PTBP3: variants seen among roughly 807,000 people sequenced by gnomAD.
PTBP3 encodes polypyrimidine tract binding protein 3.
Under a neutral mutation model 58.7 loss-of-function variants are expected in PTBP3, and 20 were observed. The observed-to-expected ratio is 0.34, with a 90% CI of 0.24 to 0.50. PTBP3 has a LOEUF of 0.50. Among genes scored for constraint, PTBP3 ranks in the 20% least tolerant of loss-of-function variants. The probability of loss-of-function intolerance (pLI) is 0.98; values close to 1 mark genes in which losing one functional copy is unlikely to be tolerated. For missense variants in PTBP3, 509 were observed against 637.2 expected, an observed-to-expected ratio of 0.80 and a Z score of 2.17; for synonymous variants, 185 against 219.8, an observed-to-expected ratio of 0.84 and a Z score of 1.40.
rs1322800141 is a variant in PTBP3, at chr9:112,252,026, A to G, written c.627+652T>C. Among the ~76,000 whole-genome samples the G allele has an allele frequency of 5.9e-5, 9 of 152,182 alleles. No individual in the cohort carries two copies. The East Asian group carries it at 1.7e-3, about 29-fold the overall frequency. On this transcript the variant is annotated intron_variant, in intron 6 of 13. Transcript: ENST00000374257. Reference sequence around the variant, plus strand: ...ACTGCTACAAGATGAAATTAGAGTCAGGGATAGATATCAACAAGAGGTATG... The same window carrying G: ...ACTGCTACAAGATGAAATTAGAGTCGGGGATAGATATCAACAAGAGGTATG...
chr9:112,260,060 A>G (rs1239480738), intron 5 of PTBP3, among the ~76,000 whole-genome samples: 1 of 152,154 alleles, frequency 6.6e-6, no homozygotes, highest in Non-Finnish European at 1.5e-5. Context: ...GATACATGCC[A>G]GCACACCCGG....
intron 1 of PTBP3, among the ~76,000 whole-genome samples, chr9:112,300,623 G>C (rs1316472986): frequency 2.6e-5 from 4 of 152,136 alleles, no homozygotes; most frequent in Non-Finnish European, 5.9e-5. Context: ...GTGGTGGCGG[G>C]CGCCTGTAGT....
chr9:112,271,425 T>C (rs1827380388), intron 3 of PTBP3, among the ~76,000 whole-genome samples: 1 of 152,150 alleles, frequency 6.6e-6, no homozygotes, highest in African/African-American at 2.4e-5. Context: ...TATTCAACCT[T>C]TATCATAAAA....
rs1834748157 is a variant in PTBP3 at position 112,220,002 on chromosome 9, TAGTAG to T, written c.*3844_*3848del. The T allele has an allele frequency of 3.4e-6, 3 of 874,834 alleles. No homozygotes were observed. The highest frequency in any genetic ancestry group is 7.9e-5 in the East Asian group (1 of 12,736). The allele number at this position is 874,834 out of a possible 1,614,324, so 54.2% of individuals were successfully genotyped here. A position where few individuals can be genotyped will look rare whatever the true frequency, so the allele number is the denominator to read the frequency against. On this transcript the variant is annotated 3_prime_UTR_variant, in exon 14 of 14. Transcript: ENST00000374257. Reference sequence around the variant, plus strand: ...CTAAATTGTATTTCTTTCAGCACAATAGTAGAGTATTTTGAGTCTGGCAGTTTTGT... The same window carrying T: ...CTAAATTGTATTTCTTTCAGCACAATAGTATTTTGAGTCTGGCAGTTTTGT...
chr9:112,333,537 C>T lies in PTBP3; in HGVS notation c.-119G>A. ...ACGGGCTAACCGCGAGCAGAGGAAG[C>T]AGGCGGCGGCAGCAGGGCGGTTCCG... On this transcript the variant is annotated 5_prime_UTR_variant, in exon 1 of 14. Transcript: ENST00000374257. 6.4e-7 allele frequency: 1 copy of T among 1,556,938 alleles called. No individual in the cohort carries two copies. The highest frequency in any genetic ancestry group is 1.2e-5 in the South Asian group (1 of 85,800).
intron 2 of PTBP3, among the ~76,000 whole-genome samples, chr9:112,289,606 C>A (rs1828288629): frequency 6.6e-6 from 1 of 152,050 alleles, no homozygotes; most frequent in Non-Finnish European, 1.5e-5. Context: ...CACAGGGAGA[C>A]CCAGACTCTA....
intron 2 of PTBP3, among the ~76,000 whole-genome samples, chr9:112,278,884 C>T (rs1337100125): frequency 6.6e-6 from 1 of 152,118 alleles, no homozygotes; most frequent in Non-Finnish European, 1.5e-5. Flanking sequence ...ATCAATAATA[C>T]GTCTAGCATT....
intron 1 of PTBP3, among the ~76,000 whole-genome samples, chr9:112,310,412 A>G (rs190585356): frequency 6.6e-6 from 1 of 152,374 alleles, no homozygotes; most frequent in East Asian, 1.9e-4. Flanking sequence ...AATCAAAAAG[A>G]CATTCATTTG....
At chr9:112,366,561 G>A in the PTBP3 span, among the ~76,000 whole-genome samples, 2 of 152,264 alleles carry the variant, frequency 1.3e-5, no homozygotes, top group South Asian at 4.1e-4. Flanking sequence ...AAGCTTCCAC[G>A]TGGTGGTGAG....
At chr9:112,306,083 G>T (rs1376199703) in intron 1 of PTBP3, among the ~76,000 whole-genome samples, 2 of 152,178 alleles carry the variant, frequency 1.3e-5, no homozygotes, top group Non-Finnish European at 2.9e-5. Flanking sequence ...GTCTTGCATG[G>T]ACCTTGTCTC....
chr9:112,343,154 C>T, the PTBP3 span, among the ~76,000 whole-genome samples: 9 of 151,922 alleles, frequency 5.9e-5, no homozygotes, highest in South Asian at 2.1e-4. Context: ...GTTACTTGCA[C>T]GCAAAATGTT....
chr9:112,376,885 C>A, the PTBP3 span, among the ~76,000 whole-genome samples: 27 of 152,320 alleles, frequency 1.8e-4, no homozygotes, highest in Admixed American at 4.6e-4. Flanking sequence ...ACTTTGCATC[C>A]TTCAATACCA....
At position 112,219,465 on chromosome 9, in the gene PTBP3, AC is replaced by A. The variant is rs1352837583; in HGVS notation, c.*4385del. 1 of 152,456 alleles carries A rather than the reference AC, an allele frequency of 6.6e-6. No homozygotes were observed. The highest frequency in any genetic ancestry group is 2.4e-5 in the African/African-American group (1 of 41,454). 9.4% of individuals were successfully genotyped at this position (152,456 alleles called of 1,614,324 possible). Reference sequence around the variant, plus strand: ...GCATCTTTCAATTATGACTATGATCACCAAGGTCACTGGACCAGACAAATAT... The same window carrying A: ...GCATCTTTCAATTATGACTATGATCACAAGGTCACTGGACCAGACAAATAT... On this transcript the variant is annotated 3_prime_UTR_variant, in exon 14 of 14. Transcript: ENST00000374257.
chr9:112,265,314 C>T (rs1278937993), intron 4 of PTBP3, among the ~76,000 whole-genome samples: 1 of 151,616 alleles, frequency 6.6e-6, no homozygotes, highest in Non-Finnish European at 1.5e-5. Flanking sequence ...ACCAGCCTGG[C>T]CACCATGGAA....
intron 8 of PTBP3, among the ~76,000 whole-genome samples, chr9:112,234,572 G>A (rs550740407): frequency 1.3e-5 from 2 of 152,142 alleles, no homozygotes; most frequent in African/African-American, 4.8e-5. Flanking sequence ...ATAGTTATTT[G>A]TGCCAAAAGC....
chr9:112,311,679 T>C (rs541061237), intron 1 of PTBP3, among the ~76,000 whole-genome samples: 3 of 152,238 alleles, frequency 2.0e-5, no homozygotes, highest in Admixed American at 6.5e-5. Context: ...CCAGGCACAG[T>C]GTATCAGGCC....
chr9:112,276,427 G>A (rs1009851705), intron 2 of PTBP3, among the ~76,000 whole-genome samples: 1 of 152,082 alleles, frequency 6.6e-6, no homozygotes, highest in Non-Finnish European at 1.5e-5. Context: ...GAAAGACTAT[G>A]ATAAAAATCT....
chr9:112,349,120 A>C, the PTBP3 span, among the ~76,000 whole-genome samples: 1 of 152,114 alleles, frequency 6.6e-6, no homozygotes, highest in Non-Finnish European at 1.5e-5. Context: ...AGGGTGATTT[A>C]GGGTAGATCC....
chr9:112,252,998 T>C (rs1836193188), intron 5 of PTBP3, among the ~76,000 whole-genome samples: 1 of 152,158 alleles, frequency 6.6e-6, no homozygotes, highest in Non-Finnish European at 1.5e-5. Flanking sequence ...CTTAAATAAC[T>C]AGCCTATTTT....
Sources: gnomAD v4.1 joint callset for allele counts (sites outside exome capture counted in the v4.1 genomes callset) on GRCh38, gnomAD v4.1.1 for gene constraint, MANE v1.5 for transcripts, NCBI Gene and HGNC (gene_info 2026-07-23, HGNC 2026-07-21) for gene names.